Variants in RBM20 observed in about 807,000 individuals in gnomAD.
RBM20 encodes the protein RNA binding motif protein 20.
In RBM20, 51 loss-of-function variants were observed where a neutral mutation model predicts 110.1. The observed-to-expected ratio is 0.46, with a 90% CI of 0.37 to 0.59. The LOEUF (loss-of-function observed/expected upper bound fraction) is 0.59, where lower values mean the gene tolerates loss of function less well. Ranked by LOEUF, RBM20 falls within the 20% of genes least tolerant of loss-of-function variation. The pLI is 0.00. For synonymous variants in RBM20, 589 were observed against 618.2 expected (o/e 0.95, Z 0.70); for missense variants, 1,512 against 1,574.9 (o/e 0.96, Z 0.68).
chr10:110,664,626 A>G (rs1862151204), intron 1 of RBM20, among the ~76,000 whole-genome samples: 1 of 152,046 alleles, frequency 6.6e-6, no homozygotes, highest in African/African-American at 2.4e-5. Flanking sequence ...TAACCCCTGT[A>G]GTCCCAGCTA....
At chr10:110,708,092 G>A (rs1396291759) in intron 1 of RBM20, among the ~76,000 whole-genome samples, 1 of 152,200 alleles carries the variant, frequency 6.6e-6, no homozygotes, top group Admixed American at 6.5e-5. Flanking sequence ...GGATGAATGA[G>A]CATTGGCAGG....
chr10:110,820,232 C>G (rs996760513), intron 10 of RBM20, 56 bp downstream of exon 10: 1 of 1,205,930 alleles, frequency 8.3e-7, no homozygotes, highest in Non-Finnish European at 1.2e-6. Flanking sequence ...TCACAGGAGT[C>G]CCCCTTTTGC....
chr10:110,679,233 T>C (rs1862384665), intron 1 of RBM20, among the ~76,000 whole-genome samples: 1 of 152,034 alleles, frequency 6.6e-6, no homozygotes, highest in East Asian at 1.9e-4. Context: ...TTATTTTTAA[T>C]TTTTTTTAGA....
At chr10:110,673,210 C>CT (rs564483915) in intron 1 of RBM20, among the ~76,000 whole-genome samples, 151 of 150,216 alleles carry the variant, frequency 1.0e-3, no homozygotes, top group Middle Eastern at 6.8e-3. Context: ...TTTCTTTTTT[C>CT]TTTTTTTTTC....
chr10:110,744,728 A>C lies in RBM20; in HGVS notation c.192-36073A>C, dbSNP rs140160373. Among the ~76,000 whole-genome samples the C allele has an allele frequency of 3.4e-3, 524 of 152,358 alleles. 2 individuals carry two copies. The highest frequency in any genetic ancestry group is 5.6e-3 in the Non-Finnish European group (382 of 68,036). On this transcript the variant is annotated intron_variant, in intron 1 of 13. Transcript: ENST00000369519. ...AATGAGTTTAGATGTATATTTAGCT[A>C]CTGAAATAAGAAATCTAAAGATATG...
rs182504027 is a variant in RBM20 at position 110,776,773 on chromosome 10, A to T, written c.192-4028A>T. On this transcript the variant is annotated intron_variant, in intron 1 of 13. Coordinates refer to ENST00000369519, the MANE Select transcript of RBM20 (RefSeq NM_001134363.3). ...ATATTCACAGCCTCTGTGGGTTAGA[A>T]TGTGAACATTTTTATTATTCAGCCT... 7.9e-5 allele frequency among the ~76,000 whole-genome samples: 12 copies of T among 152,356 alleles called. No individual in the cohort carries two copies. The East Asian group carries it at 2.1e-3, about 27-fold the overall frequency.
At chr10:110,702,073 C>T (rs567941666) in intron 1 of RBM20, among the ~76,000 whole-genome samples, 6 of 152,250 alleles carry the variant, frequency 3.9e-5, no homozygotes, top group Admixed American at 3.3e-4. Flanking sequence ...CTTTTTAGGC[C>T]TCCTCACCTT....
chr10:110,685,326 G>A (rs1418461959), intron 1 of RBM20, among the ~76,000 whole-genome samples: 2 of 152,206 alleles, frequency 1.3e-5, no homozygotes, highest in African/African-American at 4.8e-5. Flanking sequence ...GTGCCCTTCT[G>A]AGTGGTGGGT....
chr10:110,757,709 G>T (rs1018330099), intron 1 of RBM20, among the ~76,000 whole-genome samples: 2 of 152,148 alleles, frequency 1.3e-5, no homozygotes, highest in African/African-American at 4.8e-5. Flanking sequence ...TGACTGTTGG[G>T]GAATAAAAGG....
chr10:110,738,816 T>G (rs1590646350), intron 1 of RBM20, among the ~76,000 whole-genome samples: 1 of 151,686 alleles, frequency 6.6e-6, no homozygotes, highest in Admixed American at 6.6e-5. Flanking sequence ...ATAGAGGAGG[T>G]GGCGAGGCTG....
intron 1 of RBM20, among the ~76,000 whole-genome samples, chr10:110,696,341 C>G (rs986057417): frequency 1.3e-5 from 2 of 152,174 alleles, no homozygotes; most frequent in African/African-American, 4.8e-5. Context: ...CTCTCCAGAT[C>G]TCATGTTTCC....
chr10:110,752,941 A>AT (rs761640863), intron 1 of RBM20, among the ~76,000 whole-genome samples: 262 of 92,312 alleles, frequency 2.8e-3, no homozygotes, highest in Middle Eastern at 5.3e-3. Flanking sequence ...ATATATATAT[A>AT]TATATTTTTT....
At chr10:110,803,812 CAAAAAAAA>C (rs58202648) in intron 7 of RBM20, among the ~76,000 whole-genome samples, 63 of 57,196 alleles carry the variant, frequency 1.1e-3, no homozygotes, top group Admixed American at 2.7e-3. Flanking sequence ...TTGGCTTAAG[CAAAAAAAA>C]AAAAAAAAAA....
chr10:110,679,318 G>A (rs777775544), intron 1 of RBM20, among the ~76,000 whole-genome samples: 5 of 151,892 alleles, frequency 3.3e-5, no homozygotes, highest in African/African-American at 7.3e-5. Context: ...TGAACGCCTC[G>A]GCTCAAGTGA....
At chr10:110,719,375 G>T (rs1248826485) in intron 1 of RBM20, among the ~76,000 whole-genome samples, 1 of 152,156 alleles carries the variant, frequency 6.6e-6, no homozygotes, top group African/African-American at 2.4e-5. Flanking sequence ...TCCATTAATT[G>T]ATACTCATTG....
chr10:110,679,873 G>A (rs916300536), intron 1 of RBM20, among the ~76,000 whole-genome samples: 1 of 152,208 alleles, frequency 6.6e-6, no homozygotes, highest in African/African-American at 2.4e-5. Flanking sequence ...GATGGCCACA[G>A]CGGCATTCAC....
In RBM20 at chr10:110,812,383, G is replaced by A. The variant is rs537723089; in HGVS notation, c.1986G>A (p.Pro662=). 1.7e-3 allele frequency: 2,632 copies of A among 1,551,602 alleles called. 14 individuals are homozygous for A. The highest frequency in any genetic ancestry group is 1.3e-3 in the Non-Finnish European group (1,469 of 1,147,000). ...CCTGCAGCTCTTCCCACAGCCCTCC[G>A]GGCCCCTCCCGGGCTGACTGGGGCA... ...FTSCSSSHSP[P]GPSRADWGNG... Residue 662 remains proline (P), a synonymous_variant, in exon 9 of 14, where the codon CCG becomes CCA. Transcript: ENST00000369519.
intron 5 of RBM20, among the ~76,000 whole-genome samples, chr10:110,788,344 T>C (rs10885045): frequency 0.019 from 2,932 of 152,330 alleles, 69 homozygotes; most frequent in African/African-American, 0.067. Context: ...TCCACATTCT[T>C]CTGCACCCTG....
chr10:110,717,202 G>A (rs1219271017), intron 1 of RBM20, among the ~76,000 whole-genome samples: 1 of 152,196 alleles, frequency 6.6e-6, no homozygotes, highest in Non-Finnish European at 1.5e-5. Flanking sequence ...GCAAAATAAG[G>A]TGTTTAATAA....
Sources: gnomAD v4.1 joint callset for allele counts (sites outside exome capture counted in the v4.1 genomes callset) on GRCh38, gnomAD v4.1.1 for gene constraint, MANE v1.5 for transcripts, NCBI Gene and HGNC (gene_info 2026-07-23, HGNC 2026-07-21) for gene names.